B4GALT1: variants seen among roughly 807,000 people sequenced by gnomAD.
The protein encoded by B4GALT1 is beta-1,4-galactosyltransferase 1.
B4GALT1 carries 16 observed loss-of-function variants against 34.9 expected under a neutral mutation model. The observed-to-expected ratio is 0.46, with a 90% CI of 0.31 to 0.70. The LOEUF is 0.70. Ranked by LOEUF, B4GALT1 falls within the 30% of genes least tolerant of loss-of-function variation. The probability of loss-of-function intolerance (pLI) is 0.05; values close to 1 mark genes in which losing one functional copy is unlikely to be tolerated. For synonymous variants in B4GALT1, 221 were observed against 218.1 expected (o/e 1.01, Z -0.12); for missense variants, 445 against 530.5 (o/e 0.84, Z 1.58).
chr9:33,182,716 G>A, the B4GALT1 span, among the ~76,000 whole-genome samples: 1 of 152,160 alleles, frequency 6.6e-6, no homozygotes, highest in African/African-American at 2.4e-5. Context: ...CAAGGATTGA[G>A]CAATTTCATT....
chr9:33,139,828 G>C (rs573042616), intron 1 of B4GALT1, among the ~76,000 whole-genome samples: 20 of 152,384 alleles, frequency 1.3e-4, no homozygotes, highest in South Asian at 6.2e-4. Flanking sequence ...CGCCCTTGCT[G>C]TGCGGCGCAT....
upstream of B4GALT1, among the ~76,000 whole-genome samples, chr9:33,171,059 G>A (rs1177555096): frequency 6.6e-6 from 1 of 152,222 alleles, no homozygotes; most frequent in Non-Finnish European, 1.5e-5. Context: ...TTACATTTCT[G>A]TTTTTACCCT....
rs1587726478 is a variant in B4GALT1 at position 33,114,018 on chromosome 9, C to T, written c.960-140G>A. The T allele has an allele frequency of 1.9e-5, 15 of 780,584 alleles. 1 individual carries two copies. Among genetic ancestry groups the T allele is most frequent in the Middle Eastern group, 2.5e-4 (1 of 3,986 alleles). 48.4% of individuals were successfully genotyped at this position (780,584 alleles called of 1,614,324 possible). On this transcript the variant is annotated intron_variant, in intron 4 of 5. Transcript: ENST00000379731. ...CCACAACCCAGCATCATGCCAGAAC[C>T]CAGCCCAGCATGACCCTGGTTAAAA...
chr9:33,157,026 T>G (rs1161199239), intron 1 of B4GALT1, among the ~76,000 whole-genome samples: 2 of 147,666 alleles, frequency 1.4e-5, no homozygotes, highest in African/African-American at 5.1e-5. Context: ...AAAACCCTAA[T>G]GTCCAGAAAG....
intron 1 of B4GALT1, among the ~76,000 whole-genome samples, chr9:33,163,330 C>A (rs1840702067): frequency 6.6e-6 from 1 of 152,226 alleles, no homozygotes; most frequent in African/African-American, 2.4e-5. Context: ...CTCGGGTGCC[C>A]TGGCTACCTG....
chr9:33,149,581 G>C (rs759362421), intron 1 of B4GALT1, among the ~76,000 whole-genome samples: 1 of 152,028 alleles, frequency 6.6e-6, no homozygotes, highest in African/African-American at 2.4e-5. Flanking sequence ...TACTACGCCC[G>C]GCCAGATAGT....
intron 1 of B4GALT1, among the ~76,000 whole-genome samples, chr9:33,150,454 T>C (rs1032240757): frequency 2.7e-5 from 4 of 149,860 alleles, no homozygotes; most frequent in Admixed American, 1.3e-4. Flanking sequence ...ATAATCAAAA[T>C]GAGCTATAAA....
Position 33,167,091 on chromosome 9 carries a change from C to G in B4GALT1, c.79G>C (p.Val27Leu), listed in dbSNP as rs774128866. ...CCAAGGTGCAGAGCGCAGACGGCCACGAGCAGGCGGCAGGCCCGCTGTAGG... is the reference window on the plus strand; with the variant it reads ...CCAAGGTGCAGAGCGCAGACGGCCAGGAGCAGGCGGCAGGCCCGCTGTAGG... ...ASLQRACRLL[V>L]AVCALHLGVT... Residue 27 changes from valine (V) to leucine (L), a missense_variant, in exon 1 of 6, where the codon GTG becomes CTG. Around this residue, in one of 3 missense-constraint regions of B4GALT1, gnomAD observed 349 missense variants for 395.5 expected, o/e 0.88. Transcript: ENST00000379731. The G allele has an allele frequency of 1.2e-6, 2 of 1,604,772 alleles. No individual in the cohort carries two copies. Among genetic ancestry groups the G allele is most frequent in the Admixed American group, 1.7e-5 (1 of 59,802 alleles).
intron 2 of B4GALT1, among the ~76,000 whole-genome samples, chr9:33,129,692 G>C (rs1157785031): frequency 6.6e-6 from 1 of 152,208 alleles, no homozygotes; most frequent in Non-Finnish European, 1.5e-5. Flanking sequence ...TCCCTTTCCA[G>C]AAAGTTCTGA....
chr9:33,162,124 T>C (rs927903527), intron 1 of B4GALT1, among the ~76,000 whole-genome samples: 1 of 152,234 alleles, frequency 6.6e-6, no homozygotes, highest in Non-Finnish European at 1.5e-5. Context: ...TACCCAGTGA[T>C]ATCTCATTAT....
At chr9:33,122,737 G>A (rs1307811027) in intron 2 of B4GALT1, among the ~76,000 whole-genome samples, 3 of 152,164 alleles carry the variant, frequency 2.0e-5, no homozygotes, top group African/African-American at 7.2e-5. Flanking sequence ...TTCTAACCCC[G>A]CGTGGTGAGT....
chr9:33,164,923 C>G (rs1237287789), intron 1 of B4GALT1, among the ~76,000 whole-genome samples: 2 of 150,026 alleles, frequency 1.3e-5, no homozygotes, highest in Non-Finnish European at 3.0e-5. Context: ...AGATCCTAAG[C>G]AAATATTATT....
chr9:33,155,049 C>G (rs1840577062), intron 1 of B4GALT1, among the ~76,000 whole-genome samples: 1 of 152,110 alleles, frequency 6.6e-6, no homozygotes, highest in East Asian at 1.9e-4. Flanking sequence ...CTAATGGAGG[C>G]AGCACTCAAT....
chr9:33,142,784 G>A (rs1478367765), intron 1 of B4GALT1, among the ~76,000 whole-genome samples: 1 of 152,024 alleles, frequency 6.6e-6, no homozygotes, highest in African/African-American at 2.4e-5. Flanking sequence ...TTTTCAACAG[G>A]AAACAGAATA....
chr9:33,149,824 C>T (rs1410774), intron 1 of B4GALT1, among the ~76,000 whole-genome samples: 4,022 of 152,178 alleles, frequency 0.026, 65 homozygotes, highest in Middle Eastern at 0.058. Context: ...AGACCTTCTA[C>T]AAAATAACTG....
chr9:33,124,929 A>C (rs529542186), intron 2 of B4GALT1, among the ~76,000 whole-genome samples: 1 of 152,208 alleles, frequency 6.6e-6, no homozygotes, highest in Admixed American at 6.5e-5. Context: ...AATGCGTAGG[A>C]AGTCACGCTT....
chr9:33,149,278 A>T (rs1479070806), intron 1 of B4GALT1, among the ~76,000 whole-genome samples: 4 of 150,996 alleles, frequency 2.6e-5, no homozygotes, highest in African/African-American at 4.9e-5. Flanking sequence ...AAATTTTTTT[A>T]TTTATTTACT....
chr9:33,157,121 T>TACACACAC (rs199541947), intron 1 of B4GALT1, among the ~76,000 whole-genome samples: 8,507 of 113,162 alleles, frequency 0.075, 731 homozygotes, highest in Middle Eastern at 0.12. Context: ...CATAGGGAAC[T>TACACACAC]ACACACACAC....
At position 33,113,408 on chromosome 9, in the gene B4GALT1, A is replaced by C. The variant is rs369256675; in HGVS notation, c.*46T>G. 6.2e-7 allele frequency: 1 copy of C among 1,613,732 alleles called. No homozygotes were observed. The highest frequency in any genetic ancestry group is 1.3e-5 in the African/African-American group (1 of 74,926). ...CAGCAGATTGGCAGAGACACACAGC[A>C]GAGGTCCCTGGCTAATTTCAGGTCT... On this transcript the variant is annotated 3_prime_UTR_variant, in exon 6 of 6. Transcript: ENST00000379731.
Sources: allele counts gnomAD v4.1 joint callset (sites outside exome capture counted in the v4.1 genomes callset), GRCh38; gene constraint gnomAD v4.1.1; regional missense constraint gnomAD v4.1.1; transcripts MANE v1.5; gene names NCBI Gene and HGNC (gene_info 2026-07-23, HGNC 2026-07-21).